The following MUSTN1 variants were observed in gnomAD, a reference collection of about 807,000 sequenced individuals.
The protein encoded by MUSTN1 is musculoskeletal, embryonic nuclear protein 1, also known as musculoskeletal embryonic nuclear protein 1.
MUSTN1 carries 14 observed loss-of-function variants against 11.8 expected under a neutral mutation model. The ratio of observed to expected loss-of-function variants is 1.18; its 90% CI spans 0.78 to 1.85. The LOEUF is 1.85. Ranked by LOEUF, MUSTN1 falls within the 40% of genes most tolerant of loss-of-function variation. The pLI is 0.00. For synonymous variants in MUSTN1, 42 were observed against 43.3 expected (o/e 0.97, Z 0.12); for missense variants, 111 against 108.8 (o/e 1.02, Z -0.09).
rs1167726070 is a variant in MUSTN1 at position 52,834,997 on chromosome 3, G to A, written c.-49C>T. Reference sequence around the variant, plus strand: ...GTCTCTGAAGGCGCCTCTCTGGCAGGCAGCAGCTGCTGGAAAAGATCTGAG... The same window carrying A: ...GTCTCTGAAGGCGCCTCTCTGGCAGACAGCAGCTGCTGGAAAAGATCTGAG... On this transcript the variant is annotated 5_prime_UTR_variant, in exon 1 of 3. Transcript: ENST00000446157. The A allele has an allele frequency of 1.2e-6, 2 of 1,611,498 alleles. No individual in the cohort carries two copies. Among genetic ancestry groups the A allele is most frequent in the Non-Finnish European group, 1.7e-6 (2 of 1,178,942 alleles).
Position 52,833,682 on chromosome 3 carries a change from G to A in MUSTN1, c.77C>T (p.Ala26Val). ...PPVKDEDLKG[A>V]RGNLTKNQEI... The stretch of plus-strand genomic sequence containing the variant: ...CTGGTTCTTGGTCAGGTTTCCTCGG[G>A]CCCCCTTCAGGTCCTCGTCCTTCAC... The change falls in exon 2 of 3, where the codon GCC becomes GTC. Residue 26 changes from alanine (A) to valine (V), a missense_variant. By Grantham distance (64) the Ala-to-Val change is moderately conservative. Coordinates refer to ENST00000446157, the MANE Select transcript of MUSTN1 (RefSeq NM_205853.4). 1 of 1,602,266 alleles carries A rather than the reference G, an allele frequency of 6.2e-7. No individual in the cohort carries two copies. The highest frequency in any genetic ancestry group is 1.7e-5 in the Admixed American group (1 of 58,312).
Position 52,833,330 on chromosome 3 carries a change from G to A in MUSTN1, c.243C>T (p.Phe81=), listed in dbSNP as rs1367057440. 3.7e-6 allele frequency: 6 copies of A among 1,613,794 alleles called. No individual in the cohort carries two copies. Among genetic ancestry groups the A allele is most frequent in the Admixed American group, 1.7e-5 (1 of 60,002 alleles). Residue 81 remains phenylalanine, a synonymous_variant, in exon 3 of 3, where the codon TTC becomes TTT. Transcript: ENST00000446157. The part of the protein sequence containing the change: ...KPKAGPTKSV[F]G ...GGGGAGTGGCGCACACTTCTCAGCC[G>A]AAGACACTCTTGGTGGGTCCGGCTT...
chr3:52,834,809 T>A, intron 1 of MUSTN1, 131 bp downstream of exon 1: 1 of 1,129,278 alleles, frequency 8.9e-7, no homozygotes, highest in Non-Finnish European at 1.3e-6. Flanking sequence ...AGCCCCCATC[T>A]CCCAAGGGCT....
intron 1 of MUSTN1, 199 bp downstream of exon 1, chr3:52,834,741 A>C (rs1302580534): frequency 1.4e-6 from 1 of 712,700 alleles, no homozygotes; most frequent in Admixed American, 2.1e-5. Context: ...CCTCCTAACA[A>C]ACCGTGGAAT....
In MUSTN1 at chr3:52,834,981, GGC is replaced by G. The variant is rs1700674114; in HGVS notation, c.-35_-34del. On this transcript the variant is annotated 5_prime_UTR_variant, in exon 1 of 3. Coordinates refer to ENST00000446157, the MANE Select transcript of MUSTN1 (RefSeq NM_205853.4). ...ATTGTGTAAGCGCTGGGTCTCTGAA[GGC>G]GCCTCTCTGGCAGGCAGCAGCTGCT... The G allele has an allele frequency of 6.2e-7, 1 of 1,613,018 alleles. No homozygotes were observed. The highest frequency in any genetic ancestry group is 1.3e-5 in the African/African-American group (1 of 74,924).
At chr3:52,833,866 G>A in intron 1 of MUSTN1, 117 bp from the exon 2 acceptor site, 1 of 1,439,806 alleles carries the variant, frequency 6.9e-7, no homozygotes. Flanking sequence ...CCTATTCAAG[G>A]CTCTACTCCT....
In MUSTN1 at chr3:52,833,198, A is replaced by C; in HGVS notation, c.*126T>G. The C allele has an allele frequency of 7.2e-7, 1 of 1,394,814 alleles. No homozygotes were observed. 86.4% of individuals were successfully genotyped at this position (1,394,814 alleles called of 1,614,324 possible). ...CAGAGCCCTTGGCTGAAGGGCCTGG[A>C]CTGTGGGGGAGGGTGGCAGCCCCAG... On this transcript the variant is annotated 3_prime_UTR_variant, in exon 3 of 3. Transcript: ENST00000446157.
Position 52,833,203 on chromosome 3 carries a change from G to T in MUSTN1, c.*121C>A, listed in dbSNP as rs752721276. The T allele has an allele frequency of 7.0e-7, 1 of 1,427,140 alleles. No individual in the cohort carries two copies. Among genetic ancestry groups the T allele is most frequent in the South Asian group, 1.2e-5 (1 of 81,926 alleles). 88.4% of individuals were successfully genotyped at this position (1,427,140 alleles called of 1,614,324 possible). ...CCCTTGGCTGAAGGGCCTGGACTGT[G>T]GGGGAGGGTGGCAGCCCCAGAGACA... On this transcript the variant is annotated 3_prime_UTR_variant, in exon 3 of 3. Coordinates refer to ENST00000446157, the MANE Select transcript of MUSTN1 (RefSeq NM_205853.4).
Position 52,833,660 on chromosome 3 carries a change from G to A in MUSTN1, c.99C>T (p.Asn33=). Residue 33 remains asparagine, a synonymous_variant, in exon 2 of 3, where the codon AAC becomes AAT. Coordinates refer to ENST00000446157, the MANE Select transcript of MUSTN1 (RefSeq NM_205853.4). ...LKGARGNLTK[N]QEIKSKTYQV... Reference sequence around the variant, plus strand: ...GGTAGGTCTTGGACTTGATTTCCTGGTTCTTGGTCAGGTTTCCTCGGGCCC... The same window carrying A: ...GGTAGGTCTTGGACTTGATTTCCTGATTCTTGGTCAGGTTTCCTCGGGCCC... 6.2e-6 allele frequency: 10 copies of A among 1,608,668 alleles called. No homozygotes were observed. Among genetic ancestry groups the A allele is most frequent in the Non-Finnish European group, 8.5e-6 (10 of 1,177,626 alleles).
intron 1 of MUSTN1, chr3:52,834,678 G>GCACACACACA: frequency 6.0e-6 from 3 of 496,958 alleles, no homozygotes; most frequent in Non-Finnish European, 7.1e-6. Flanking sequence ...ACACACACAG[G>GCACACACACA]CACATGCAAA....
At chr3:52,834,854 A>G (rs993372673) in intron 1 of MUSTN1, 86 bp downstream of exon 1, 25 of 1,516,566 alleles carry the variant, frequency 1.6e-5, no homozygotes, top group Non-Finnish European at 2.2e-5. Flanking sequence ...GGCTCAGATC[A>G]AGACACAGCT....
At position 52,833,287 on chromosome 3, in the gene MUSTN1, C is replaced by A; in HGVS notation, c.*37G>T. On this transcript the variant is annotated 3_prime_UTR_variant, in exon 3 of 3. Transcript: ENST00000446157. ...AGTTCCTGGGAAAGGCTCCTGTTTCCGAGCATTCGGGCAGCAAGGGGAGTG... is the reference window on the plus strand; with the variant it reads ...AGTTCCTGGGAAAGGCTCCTGTTTCAGAGCATTCGGGCAGCAAGGGGAGTG... The A allele has an allele frequency of 1.9e-6, 3 of 1,612,994 alleles. No individual in the cohort carries two copies. Among genetic ancestry groups the A allele is most frequent in the Non-Finnish European group, 2.5e-6 (3 of 1,179,500 alleles).
intron 1 of MUSTN1, among the ~76,000 whole-genome samples, chr3:52,834,575 T>C (rs999892343): frequency 1.3e-5 from 2 of 150,350 alleles, no homozygotes; most frequent in Admixed American, 6.6e-5. Context: ...ACACACAGAG[T>C]GCATGGCTGC....
rs779327995 is a variant in MUSTN1, at chr3:52,834,987, T to A, written c.-39A>T. ...TAAGCGCTGGGTCTCTGAAGGCGCCTCTCTGGCAGGCAGCAGCTGCTGGAA... is the reference window on the plus strand; with the variant it reads ...TAAGCGCTGGGTCTCTGAAGGCGCCACTCTGGCAGGCAGCAGCTGCTGGAA... On this transcript the variant is annotated 5_prime_UTR_variant, in exon 1 of 3. Coordinates refer to ENST00000446157, the MANE Select transcript of MUSTN1 (RefSeq NM_205853.4). 6.2e-7 allele frequency: 1 copy of A among 1,612,786 alleles called. No homozygotes were observed. Among genetic ancestry groups the A allele is most frequent in the Non-Finnish European group, 8.5e-7 (1 of 1,179,554 alleles).
In MUSTN1 at chr3:52,833,650, T is replaced by C. The variant is rs773922775; in HGVS notation, c.109A>G (p.Lys37Glu). The C allele has an allele frequency of 1.9e-6, 3 of 1,609,740 alleles. No individual in the cohort carries two copies. In the South Asian group the frequency reaches 3.3e-5, roughly 18 times the overall value. The change falls in exon 2 of 3, where the codon AAG becomes GAG. Residue 37 changes from lysine (K) to glutamate (E), a missense_variant. Transcript: ENST00000446157. The part of the protein sequence containing the change: ...RGNLTKNQEI[K>E]SKTYQVMREC... The stretch of plus-strand genomic sequence containing the variant: ...CGCATGACCTGGTAGGTCTTGGACT[T>C]GATTTCCTGGTTCTTGGTCAGGTTT...
chr3:52,834,077 T>C (rs1268738036), intron 1 of MUSTN1, among the ~76,000 whole-genome samples: 1 of 152,220 alleles, frequency 6.6e-6, no homozygotes, highest in Non-Finnish European at 1.5e-5. Flanking sequence ...GGACTAGCTC[T>C]GAGGTTGGGC....
chr3:52,833,872 C>T, intron 1 of MUSTN1, 123 bp from the exon 2 acceptor site: 2 of 1,429,106 alleles, frequency 1.4e-6, no homozygotes, highest in Non-Finnish European at 1.8e-6. Flanking sequence ...CAAGGCTCTA[C>T]TCCTCTTCCA....
At chr3:52,834,062 G>A (rs968586258) in intron 1 of MUSTN1, among the ~76,000 whole-genome samples, 1 of 152,170 alleles carries the variant, frequency 6.6e-6, no homozygotes, top group African/African-American at 2.4e-5. Flanking sequence ...GGGGAACAGC[G>A]AAGGGGACTA....
Position 52,833,828 on chromosome 3 carries a change from C to A in MUSTN1, c.10-79G>T. On this transcript the variant is annotated intron_variant, in intron 1 of 2. Transcript: ENST00000446157. ...ACCTACCTCTGTGCCTTGGCCAAGA[C>A]CCCTCTTCTCTGCTCATTAAACCCA... is the stretch of plus-strand genomic sequence containing the variant. The A allele has an allele frequency of 4.6e-6, 7 of 1,514,472 alleles. No homozygotes were observed. In the South Asian group the frequency reaches 9.0e-5, roughly 20 times the overall value. 93.8% of individuals were successfully genotyped at this position (1,514,472 alleles called of 1,614,324 possible). A position where few individuals can be genotyped will look rare whatever the true frequency, so the allele number is the denominator to read the frequency against.
Sources: allele counts gnomAD v4.1 joint callset (sites outside exome capture counted in the v4.1 genomes callset), GRCh38; gene constraint gnomAD v4.1.1; transcripts MANE v1.5; gene names NCBI Gene and HGNC (gene_info 2026-07-23, HGNC 2026-07-21).